NME8: variants seen among roughly 807,000 people sequenced by gnomAD.
NME8 encodes protein NME8.
Under a neutral mutation model 82.3 loss-of-function variants are expected in NME8, and 72 were observed. The observed-to-expected ratio is 0.87, with a 90% CI of 0.72 to 1.06. The LOEUF is 1.06. NME8 is among the 50% of genes least tolerant of loss of function. The pLI, the probability that NME8 is intolerant of heterozygous loss-of-function variation, is 0.00. For synonymous variants in NME8, 267 were observed against 228.5 expected (o/e 1.17, Z -1.52); for missense variants, 712 against 685.4 (o/e 1.04, Z -0.43).
intron 12 of NME8, among the ~76,000 whole-genome samples, chr7:37,879,830 T>A (rs563278067): frequency 6.6e-6 from 1 of 152,346 alleles, no homozygotes; most frequent in South Asian, 2.1e-4. Flanking sequence ...GAATCAGAGT[T>A]CCTGTTGCTC....
chr7:37,858,275 T>G (rs1784542400), intron 6 of NME8, among the ~76,000 whole-genome samples: 1 of 152,150 alleles, frequency 6.6e-6, no homozygotes. Flanking sequence ...AAATACTCAT[T>G]AAAAACACAT....
At chr7:37,890,679 C>CCTGACTTA (rs1428818350) in intron 15 of NME8, among the ~76,000 whole-genome samples, 5 of 151,902 alleles carry the variant, frequency 3.3e-5, no homozygotes, top group African/African-American at 9.7e-5. Flanking sequence ...AGTATTTTGT[C>CCTGACTTA]TTTTCTGTGC....
At chr7:37,867,488 C>T (rs1298453921) in intron 10 of NME8, among the ~76,000 whole-genome samples, 1 of 151,858 alleles carries the variant, frequency 6.6e-6, no homozygotes, top group South Asian at 2.1e-4. Context: ...CACTATGTCC[C>T]CCATGAATAT....
chr7:37,851,318 T>C (rs954844374), intron 5 of NME8, among the ~76,000 whole-genome samples: 21 of 152,246 alleles, frequency 1.4e-4, no homozygotes, highest in African/African-American at 5.1e-4. Flanking sequence ...CTGGTCCAAC[T>C]GAGGAGCTCA....
In NME8 at chr7:37,863,392, A is replaced by G. The variant is rs769625944; in HGVS notation, c.388-4A>G. 8 of 1,558,456 alleles carry G rather than the reference A, an allele frequency of 5.1e-6. No individual in the cohort carries two copies. Among genetic ancestry groups the G allele is most frequent in the South Asian group, 1.1e-5 (1 of 89,782 alleles). ...TATCTTTGCATTGCATTTCTTTTTCATAGTATCCTGAAATTCCATTAGTAG... is the reference window on the plus strand; with the variant it reads ...TATCTTTGCATTGCATTTCTTTTTCGTAGTATCCTGAAATTCCATTAGTAG... On this transcript the variant is annotated splice_polypyrimidine_tract_variant and splice_region_variant and intron_variant, in intron 7 of 17. Coordinates refer to ENST00000199447, the MANE Select transcript of NME8 (RefSeq NM_016616.5).
Position 37,882,621 on chromosome 7 carries a change from A to AAG in NME8, c.995-1680_995-1679dup, listed in dbSNP as rs1316678293. The stretch of plus-strand genomic sequence containing the variant: ...AAAGAGAGAGAGAGAGAGAGAAAGA[A>AAG]AGAAAGAAAGAAAGAAAGAAAGAGA... On this transcript the variant is annotated intron_variant, in intron 12 of 17. Transcript: ENST00000199447. Among the ~76,000 whole-genome samples, 31 of 57,296 alleles carry AAG rather than the reference A, an allele frequency of 5.4e-4. 1 individual carries two copies. In the South Asian group the frequency reaches 9.5e-3, roughly 18 times the overall value. The allele number at this position is 57,296 out of a possible 152,430, so 37.6% of individuals were successfully genotyped here.
intron 5 of NME8, among the ~76,000 whole-genome samples, chr7:37,852,432 A>G (rs1217922435): frequency 6.6e-6 from 1 of 152,136 alleles, no homozygotes; most frequent in Non-Finnish European, 1.5e-5. Flanking sequence ...GTGTAATGAC[A>G]TGTACTTACT....
intron 11 of NME8, among the ~76,000 whole-genome samples, chr7:37,873,123 G>T (rs907739004): frequency 6.6e-6 from 1 of 152,120 alleles, no homozygotes; most frequent in South Asian, 2.1e-4. Context: ...GCCGTGGCTT[G>T]TGCCTGTAAT....
At chr7:37,866,082 G>T (rs1405705482) in intron 10 of NME8, among the ~76,000 whole-genome samples, 2 of 151,804 alleles carry the variant, frequency 1.3e-5, no homozygotes, top group Non-Finnish European at 2.9e-5. Flanking sequence ...TTTTGTCTGG[G>T]GATATAATAT....
At chr7:37,894,406 C>T (rs1412300892) in intron 15 of NME8, 60 bp from the exon 16 acceptor site, 3 of 1,528,544 alleles carry the variant, frequency 2.0e-6, no homozygotes, top group Non-Finnish European at 2.7e-6. Context: ...TTTCAGTCTA[C>T]TTGAGTATGG....
intron 5 of NME8, among the ~76,000 whole-genome samples, chr7:37,852,276 A>T (rs2131938968): frequency 6.6e-6 from 1 of 152,220 alleles, no homozygotes. Flanking sequence ...ACACTCTCAT[A>T]GCCTTTTCCA....
At chr7:37,863,061 A>C (rs942093994) in intron 7 of NME8, among the ~76,000 whole-genome samples, 1 of 152,292 alleles carries the variant, frequency 6.6e-6, no homozygotes, top group East Asian at 1.9e-4. Flanking sequence ...CAGAGATTGC[A>C]GTGAGCCAAA....
In NME8 at chr7:37,885,158, G is replaced by A. The variant is rs777358167; in HGVS notation, c.1153G>A (p.Ala385Thr). 2.5e-6 allele frequency: 4 copies of A among 1,610,790 alleles called. No homozygotes were observed. In the South Asian group the frequency reaches 3.3e-5, roughly 13 times the overall value. Reference sequence around the variant, plus strand: ...CTTTTCTAATAGTGGTCCATCTCTAGCCCTTGTTTTATTGAGAGACAATGG... The same window carrying A: ...CTTTTCTAATAGTGGTCCATCTCTAACCCTTGTTTTATTGAGAGACAATGG... ...IENMTSGPSL[A>T]LVLLRDNGLQ... The change falls in exon 14 of 18, where the codon GCC becomes ACC. Residue 385 changes from alanine to threonine, a missense_variant. Physicochemically the swap from Ala to Thr is moderately conservative, Grantham distance 58. Coordinates refer to ENST00000199447, the MANE Select transcript of NME8 (RefSeq NM_016616.5).
chr7:37,887,593 T>C (rs1341690185), intron 14 of NME8, among the ~76,000 whole-genome samples: 1 of 152,174 alleles, frequency 6.6e-6, no homozygotes, highest in Non-Finnish European at 1.5e-5. Context: ...ATCACACAGC[T>C]AGCAAGTAGT....
intron 14 of NME8, among the ~76,000 whole-genome samples, chr7:37,886,772 A>G (rs544135526): frequency 9.9e-5 from 15 of 152,240 alleles, no homozygotes; most frequent in Non-Finnish European, 1.9e-4. Context: ...CCTGGCAATC[A>G]CAGAGTCCAA....
At chr7:37,877,542 A>G (rs1034967035) in intron 12 of NME8, among the ~76,000 whole-genome samples, 4 of 152,200 alleles carry the variant, frequency 2.6e-5, no homozygotes, top group African/African-American at 9.6e-5. Context: ...ATATGGAAAC[A>G]TAATTACCAT....
At position 37,863,424 on chromosome 7, in the gene NME8, A is replaced by T. The variant is rs754343759; in HGVS notation, c.416A>T (p.Asp139Val). Residue 139 changes from aspartate (D) to valine (V), a missense_variant, in exon 8 of 18, where the codon GAT becomes GTT. Coordinates refer to ENST00000199447, the MANE Select transcript of NME8 (RefSeq NM_016616.5). ...QYPEIPLVDSDSEVSEESPCE... is the reference protein window; with the variant it reads ...QYPEIPLVDSVSEVSEESPCE... The stretch of plus-strand genomic sequence containing the variant: ...CCTGAAATTCCATTAGTAGACTCAG[A>T]TTCAGAAGTTAGTGAAGAATCACCA... 60 of 1,598,076 alleles carry T rather than the reference A, an allele frequency of 3.8e-5. No homozygotes were observed. The East Asian group carries it at 1.3e-3, about 35-fold the overall frequency.
intron 11 of NME8, among the ~76,000 whole-genome samples, chr7:37,875,429 C>G (rs530187500): frequency 1.3e-5 from 2 of 151,316 alleles, no homozygotes; most frequent in East Asian, 3.9e-4. Flanking sequence ...CCCACACAGC[C>G]CCCCATAGCC....
Position 37,850,987 on chromosome 7 carries a change from A to G in NME8, c.198+252A>G, listed in dbSNP as rs2598042. Among the ~76,000 whole-genome samples the G allele has an allele frequency of 0.27, 41,636 of 151,864 alleles. 5,911 individuals are homozygous for G. Among genetic ancestry groups the G allele is most frequent in the African/African-American group, 0.36 (15,058 of 41,358 alleles). ...GTCAGAAAAGTGTAATAATGGACAC[A>G]TCTATTGTTCTGTTTCCTTTCACCT... On this transcript the variant is annotated intron_variant, in intron 5 of 17. Coordinates refer to ENST00000199447, the MANE Select transcript of NME8 (RefSeq NM_016616.5).
Sources: allele counts gnomAD v4.1 joint callset (sites outside exome capture counted in the v4.1 genomes callset), GRCh38; gene constraint gnomAD v4.1.1; transcripts MANE v1.5; gene names NCBI Gene and HGNC (gene_info 2026-07-23, HGNC 2026-07-21).